DCDC2C: variants seen among roughly 807,000 people sequenced by gnomAD.
The protein encoded by DCDC2C is doublecortin domain-containing protein 2C.
In DCDC2C, 44 loss-of-function variants were observed where a neutral mutation model predicts 45.0. The observed-to-expected ratio is 0.98, with a 90% CI of 0.77 to 1.26. DCDC2C has a LOEUF of 1.26. Ranked by LOEUF, DCDC2C falls within the 50% of genes most tolerant of loss-of-function variation. The pLI is 0.00. For missense variants in DCDC2C, 447 were observed against 468.9 expected (o/e 0.95, Z 0.43); for synonymous variants, 187 against 178.8 (o/e 1.05, Z -0.37).
intron 6 of DCDC2C, among the ~76,000 whole-genome samples, chr2:3,760,722 A>T (rs938052297): frequency 2.0e-5 from 3 of 152,058 alleles, no homozygotes; most frequent in African/African-American, 7.2e-5. Flanking sequence ...ACAAATACCT[A>T]ATGCATGCGG....
At position 3,757,593 on chromosome 2, in the gene DCDC2C, G is replaced by A. The variant is rs1669756191; in HGVS notation, c.726+2959G>A. 1.3e-5 allele frequency among the ~76,000 whole-genome samples: 2 copies of A among 152,164 alleles called. 1 individual carries two copies. Among genetic ancestry groups the A allele is most frequent in the South Asian group, 4.1e-4 (2 of 4,828 alleles). On this transcript the variant is annotated intron_variant, in intron 6 of 10. Coordinates refer to ENST00000399143, the MANE Select transcript of DCDC2C (RefSeq NM_001287444.2). ...AATGGGGCACTCATTGATTCATCTG[G>A]TCGTCCATGAGGCCGTGGTGAGGTG... is the stretch of plus-strand genomic sequence containing the variant.
intron 10 of DCDC2C, among the ~76,000 whole-genome samples, chr2:3,808,847 T>C (rs1671321606): frequency 6.6e-6 from 1 of 152,238 alleles, no homozygotes; most frequent in African/African-American, 2.4e-5. Flanking sequence ...TCAAAGATTT[T>C]CTACTGTTTT....
intron 10 of DCDC2C, among the ~76,000 whole-genome samples, chr2:3,822,163 C>G (rs1671705675): frequency 6.6e-6 from 1 of 152,134 alleles, no homozygotes; most frequent in Non-Finnish European, 1.5e-5. Flanking sequence ...GTACTTTATT[C>G]TTTTAATGGC....
intron 2 of DCDC2C, among the ~76,000 whole-genome samples, chr2:3,726,490 C>T (rs141264815): frequency 1.7e-3 from 255 of 152,232 alleles, no homozygotes; most frequent in Admixed American, 3.3e-3. Flanking sequence ...GTGGTTGGCC[C>T]GGCCTCTCAG....
chr2:3,735,637 C>G (rs1457234719), intron 3 of DCDC2C, among the ~76,000 whole-genome samples: 1 of 152,088 alleles, frequency 6.6e-6, no homozygotes. Flanking sequence ...GCATAACGGT[C>G]CAGGAATATG....
chr2:3,709,293 T>G (rs973877139), intron 2 of DCDC2C, among the ~76,000 whole-genome samples: 2 of 152,342 alleles, frequency 1.3e-5, no homozygotes, highest in South Asian at 4.1e-4. Context: ...AAAATGGAGA[T>G]GATAATAGAT....
At chr2:3,812,009 G>A (rs762254561) in intron 10 of DCDC2C, among the ~76,000 whole-genome samples, 22 of 151,868 alleles carry the variant, frequency 1.4e-4, no homozygotes, top group African/African-American at 4.4e-4. Context: ...TTTTCGCATC[G>A]ATGTTAATCA....
At chr2:3,723,011 T>C (rs1668539381) in intron 2 of DCDC2C, among the ~76,000 whole-genome samples, 1 of 152,234 alleles carries the variant, frequency 6.6e-6, no homozygotes, top group Non-Finnish European at 1.5e-5. Context: ...ATATATAGTA[T>C]GATAATAGGG....
intron 4 of DCDC2C, among the ~76,000 whole-genome samples, chr2:3,744,282 G>C (rs1669298171): frequency 6.6e-6 from 1 of 152,218 alleles, no homozygotes; most frequent in Non-Finnish European, 1.5e-5. Context: ...ACAGCAGGCG[G>C]AGCCATTGCT....
At chr2:3,722,609 T>C (rs901648657) in intron 2 of DCDC2C, among the ~76,000 whole-genome samples, 1 of 152,220 alleles carries the variant, frequency 6.6e-6, no homozygotes, top group Non-Finnish European at 1.5e-5. Flanking sequence ...TCAGGACAGA[T>C]GACTGATGTG....
intron 10 of DCDC2C, among the ~76,000 whole-genome samples, chr2:3,823,455 G>A (rs75075581): frequency 0.04 from 6,148 of 152,134 alleles, 139 homozygotes; most frequent in East Asian, 0.057. Flanking sequence ...CTGTTGTTGG[G>A]TAGAGTAGAG....
intron 1 of DCDC2C, among the ~76,000 whole-genome samples, chr2:3,705,150 A>C (rs906371484): frequency 2.6e-5 from 4 of 152,196 alleles, no homozygotes; most frequent in Non-Finnish European, 4.4e-5. Context: ...TTGTTTTTTG[A>C]AAAAGTAGTA....
chr2:3,776,827 C>A (rs1488575159), intron 8 of DCDC2C, among the ~76,000 whole-genome samples: 1 of 152,216 alleles, frequency 6.6e-6, no homozygotes, highest in Non-Finnish European at 1.5e-5. Flanking sequence ...CTCGCGGTCT[C>A]CTTCCCCTGT....
At position 3,757,285 on chromosome 2, in the gene DCDC2C, A is replaced by G. The variant is rs574301705; in HGVS notation, c.726+2651A>G. Among the ~76,000 whole-genome samples, 24 of 152,234 alleles carry G rather than the reference A, an allele frequency of 1.6e-4. No individual in the cohort carries two copies. The East Asian group carries it at 4.4e-3, about 28-fold the overall frequency. On this transcript the variant is annotated intron_variant, in intron 6 of 10. Coordinates refer to ENST00000399143, the MANE Select transcript of DCDC2C (RefSeq NM_001287444.2). The stretch of plus-strand genomic sequence containing the variant: ...GTGAATTGCCACAACATCTTTTTGG[A>G]AAAGAAGGTACAAAATTAAAAAAAA...
At chr2:3,798,877 T>C (rs1425689134) in intron 10 of DCDC2C, among the ~76,000 whole-genome samples, 3 of 152,156 alleles carry the variant, frequency 2.0e-5, no homozygotes, top group Non-Finnish European at 2.9e-5. Context: ...AGGAGTATCT[T>C]TGTGGCATTC....
intron 6 of DCDC2C, among the ~76,000 whole-genome samples, chr2:3,757,078 C>T (rs373153300): frequency 6.6e-6 from 1 of 152,036 alleles, no homozygotes; most frequent in African/African-American, 2.4e-5. Flanking sequence ...TTTTTGGCCT[C>T]ATTTTGAAGA....
intron 4 of DCDC2C, among the ~76,000 whole-genome samples, chr2:3,745,738 A>C (rs1669342439): frequency 6.6e-6 from 1 of 152,108 alleles, no homozygotes; most frequent in African/African-American, 2.4e-5. Context: ...TTCTTTTTTT[A>C]GGAGACTCTG....
intron 9 of DCDC2C, 112 bp from the exon 10 acceptor site, chr2:3,784,946 GA>G: frequency 4.3e-6 from 3 of 697,518 alleles, no homozygotes; most frequent in Non-Finnish European, 6.0e-6. Flanking sequence ...TGATGTTTAT[GA>G]GAAAGAATTT....
intron 10 of DCDC2C, among the ~76,000 whole-genome samples, chr2:3,831,113 C>T (rs980201779): frequency 4.6e-5 from 7 of 152,118 alleles, no homozygotes; most frequent in Admixed American, 2.0e-4. Flanking sequence ...CGAGAAGGAA[C>T]ATTTCCTTTG....
Sources: gnomAD v4.1 joint callset for allele counts (sites outside exome capture counted in the v4.1 genomes callset) on GRCh38, gnomAD v4.1.1 for gene constraint, MANE v1.5 for transcripts, NCBI Gene and HGNC (gene_info 2026-07-23, HGNC 2026-07-21) for gene names.